The following LRRC4C variants were observed in gnomAD, a reference collection of about 807,000 sequenced individuals.
LRRC4C encodes the protein leucine-rich repeat-containing protein 4C.
LRRC4C carries 5 observed loss-of-function variants against 33.6 expected under a neutral mutation model. The ratio of observed to expected loss-of-function variants is 0.15; its 90% CI spans 0.08 to 0.31. The LOEUF (loss-of-function observed/expected upper bound fraction) is 0.31, where lower values mean the gene tolerates loss of function less well. LRRC4C is among the 10% of genes least tolerant of loss of function. The pLI is 1.00. For missense variants in LRRC4C, 560 were observed against 796.7 expected, an observed-to-expected ratio of 0.70 and a Z score of 3.58; for synonymous variants, 329 against 302.0, an observed-to-expected ratio of 1.09 and a Z score of -0.93.
intron 5 of LRRC4C, among the ~76,000 whole-genome samples, chr11:40,182,624 C>T (rs553773577): frequency 3.9e-5 from 6 of 152,292 alleles, no homozygotes. Flanking sequence ...AAAAGATACA[C>T]AGCCACATTT....
chr11:40,880,166 G>C lies in LRRC4C; in HGVS notation c.-407+53469C>G, dbSNP rs531358603. 3.9e-4 allele frequency among the ~76,000 whole-genome samples: 60 copies of C among 152,206 alleles called. 1 individual carries two copies. The South Asian group carries it at 1.0e-2, about 25-fold the overall frequency. ...CTAGAGCCGCCTGCCAGACCTGAGA[G>C]GGGGGAAGACTTTGAGGCGACTTCA... On this transcript the variant is annotated intron_variant, in intron 2 of 6. Coordinates refer to ENST00000528697, the MANE Select transcript of LRRC4C (RefSeq NM_001258419.2).
At position 41,353,953 on chromosome 11, in the gene LRRC4C, T is replaced by C. The variant is rs145762193; in HGVS notation, c.-496+105478A>G. Among the ~76,000 whole-genome samples, 344 of 152,118 alleles carry C rather than the reference T, an allele frequency of 2.3e-3. 1 individual carries two copies. The highest frequency in any genetic ancestry group is 7.0e-3 in the African/African-American group (289 of 41,496). ...CAGGCAAACCTGGAAGCATTCCCCT[T>C]GAGATATGAAAAAAGACAAGGATGC... On this transcript the variant is annotated intron_variant, in intron 1 of 6. Transcript: ENST00000528697.
chr11:41,384,830 T>C (rs1327306233), intron 1 of LRRC4C, among the ~76,000 whole-genome samples: 2 of 149,330 alleles, frequency 1.3e-5, no homozygotes, highest in African/African-American at 4.9e-5. Context: ...CAGTATACTA[T>C]ACAAATGATT....
At chr11:40,818,188 A>G (rs1951782913) in intron 2 of LRRC4C, among the ~76,000 whole-genome samples, 1 of 152,116 alleles carries the variant, frequency 6.6e-6, no homozygotes, top group African/African-American at 2.4e-5. Flanking sequence ...CTTACTTAGG[A>G]AACCAAGGTT....
At chr11:40,960,322 T>G (rs1850889048) in intron 1 of LRRC4C, among the ~76,000 whole-genome samples, 1 of 151,832 alleles carries the variant, frequency 6.6e-6, no homozygotes, top group African/African-American at 2.4e-5. Context: ...TAATTAGATG[T>G]CAATGATATG....
At chr11:40,525,529 C>G (rs1176494044) in intron 3 of LRRC4C, among the ~76,000 whole-genome samples, 2 of 151,956 alleles carry the variant, frequency 1.3e-5, no homozygotes, top group African/African-American at 2.4e-5. Flanking sequence ...AAACTAATAC[C>G]TAGAAAAGCA....
At chr11:41,307,081 G>A (rs1403455482) in intron 1 of LRRC4C, among the ~76,000 whole-genome samples, 4 of 152,148 alleles carry the variant, frequency 2.6e-5, no homozygotes, top group African/African-American at 9.7e-5. Context: ...AAGAGAAAAG[G>A]AATCATGCAA....
chr11:40,215,998 G>C (rs1408613248), intron 5 of LRRC4C, among the ~76,000 whole-genome samples: 1 of 152,026 alleles, frequency 6.6e-6, no homozygotes, highest in Non-Finnish European at 1.5e-5. Flanking sequence ...GTTCAACGCT[G>C]GTAATGAGAT....
chr11:40,499,708 A>G (rs1293471223), intron 3 of LRRC4C, among the ~76,000 whole-genome samples: 1 of 152,196 alleles, frequency 6.6e-6, no homozygotes, highest in Non-Finnish European at 1.5e-5. Context: ...GCTTAGATAT[A>G]AACTAACATG....
chr11:41,171,677 A>T (rs1164456071), intron 1 of LRRC4C, among the ~76,000 whole-genome samples: 3 of 152,078 alleles, frequency 2.0e-5, no homozygotes, highest in African/African-American at 4.8e-5. Context: ...ATAAAATTTT[A>T]AAAAAAGATA....
chr11:40,435,469 C>T (rs2137899426), intron 3 of LRRC4C, among the ~76,000 whole-genome samples: 1 of 152,298 alleles, frequency 6.6e-6, no homozygotes, highest in South Asian at 2.1e-4. Context: ...CATATTGCTC[C>T]ATCTGCATTG....
chr11:41,182,721 C>T (rs981218066), intron 1 of LRRC4C, among the ~76,000 whole-genome samples: 3 of 151,932 alleles, frequency 2.0e-5, no homozygotes, highest in African/African-American at 7.3e-5. Context: ...GCTGATAGAA[C>T]TGTTCAATTA....
intron 1 of LRRC4C, among the ~76,000 whole-genome samples, chr11:41,069,069 C>T (rs1297928287): frequency 1.3e-5 from 2 of 152,174 alleles, no homozygotes; most frequent in Non-Finnish European, 2.9e-5. Context: ...GCTTAAACCA[C>T]CATGATGAAG....
intron 4 of LRRC4C, among the ~76,000 whole-genome samples, chr11:40,301,031 C>T (rs1944750092): frequency 6.6e-6 from 1 of 152,140 alleles, no homozygotes; most frequent in Non-Finnish European, 1.5e-5. Context: ...TGGAGGGTTA[C>T]CCATTGATAA....
chr11:41,204,988 T>G (rs1456041522), intron 1 of LRRC4C, among the ~76,000 whole-genome samples: 1 of 152,152 alleles, frequency 6.6e-6, no homozygotes, highest in Non-Finnish European at 1.5e-5. Flanking sequence ...TGATTTTGAA[T>G]AAAGACTTAC....
chr11:40,824,318 A>G (rs546497369), intron 2 of LRRC4C, among the ~76,000 whole-genome samples: 1 of 152,080 alleles, frequency 6.6e-6, no homozygotes, highest in Non-Finnish European at 1.5e-5. Flanking sequence ...GTTAAGATGT[A>G]TAGAATATTA....
At chr11:40,743,722 C>T (rs907294271) in intron 2 of LRRC4C, among the ~76,000 whole-genome samples, 2 of 152,102 alleles carry the variant, frequency 1.3e-5, no homozygotes, top group African/African-American at 4.8e-5. Flanking sequence ...TTCTTTCTTT[C>T]CTAAAACCTC....
At chr11:41,027,785 C>A (rs535071680) in intron 1 of LRRC4C, among the ~76,000 whole-genome samples, 1 of 151,616 alleles carries the variant, frequency 6.6e-6, no homozygotes, top group African/African-American at 2.4e-5. Context: ...TATTTTAATA[C>A]CCAGGCATTG....
intron 1 of LRRC4C, among the ~76,000 whole-genome samples, chr11:41,048,828 C>A (rs797006194): frequency 2.6e-5 from 4 of 152,276 alleles, no homozygotes; most frequent in African/African-American, 9.6e-5. Context: ...TGCAGTGAAG[C>A]CAATGGGCAT....
Sources: gnomAD v4.1 joint callset for allele counts (sites outside exome capture counted in the v4.1 genomes callset) on GRCh38, gnomAD v4.1.1 for gene constraint, MANE v1.5 for transcripts, NCBI Gene and HGNC (gene_info 2026-07-23, HGNC 2026-07-21) for gene names.